The following RPA1 variants were observed in gnomAD, a reference collection of about 807,000 sequenced individuals.
RPA1 encodes replication protein A 70 kDa DNA-binding subunit.
A neutral mutation model predicts 83.0 loss-of-function variants in RPA1; 49 were observed. That is an observed-to-expected ratio of 0.59 (90% CI 0.47 to 0.75). The LOEUF (loss-of-function observed/expected upper bound fraction) is 0.75, where lower values mean the gene tolerates loss of function less well. Ranked by LOEUF, RPA1 falls within the 30% of genes least tolerant of loss-of-function variation. RPA1 has a pLI of 0.00. For missense variants in RPA1, 693 were observed against 776.1 expected, an observed-to-expected ratio of 0.89 and a Z score of 1.27; for synonymous variants, 279 against 281.8, an observed-to-expected ratio of 0.99 and a Z score of 0.10.
intron 5 of RPA1, among the ~76,000 whole-genome samples, chr17:1,862,326 C>T (rs948841382): frequency 4.0e-5 from 6 of 151,280 alleles, no homozygotes; most frequent in Admixed American, 1.3e-4. Flanking sequence ...TGAGCCACAG[C>T]GCCCAGCTTA....
chr17:1,881,047 A>T (rs150389512), intron 12 of RPA1, among the ~76,000 whole-genome samples: 242 of 152,250 alleles, frequency 1.6e-3, no homozygotes, highest in Middle Eastern at 6.8e-3. Flanking sequence ...GGGGGAACAC[A>T]TGCTTTCTTT....
At chr17:1,860,352 T>A (rs1320057141) in intron 5 of RPA1, among the ~76,000 whole-genome samples, 1 of 152,106 alleles carries the variant, frequency 6.6e-6, no homozygotes, top group Non-Finnish European at 1.5e-5. Context: ...GGTCTCACTT[T>A]GTTGCCCAGG....
intron 11 of RPA1, among the ~76,000 whole-genome samples, chr17:1,880,243 A>G (rs953419593): frequency 1.3e-5 from 2 of 152,196 alleles, no homozygotes; most frequent in East Asian, 1.9e-4. Context: ...GGCTTTCACC[A>G]TGTAGATGGG....
chr17:1,850,990 C>G (rs1912475444), intron 4 of RPA1, among the ~76,000 whole-genome samples: 1 of 152,090 alleles, frequency 6.6e-6, no homozygotes, highest in African/African-American at 2.4e-5. Context: ...CAAACATAGA[C>G]AGAATACACA....
intron 13 of RPA1, among the ~76,000 whole-genome samples, chr17:1,888,368 G>A (rs1914071642): frequency 6.6e-6 from 1 of 152,322 alleles, no homozygotes; most frequent in Non-Finnish European, 1.5e-5. Context: ...CAGTGTTCAA[G>A]CAAACAGGAA....
intron 1 of RPA1, among the ~76,000 whole-genome samples, chr17:1,837,739 G>A (rs1416713908): frequency 6.6e-6 from 1 of 152,140 alleles, no homozygotes; most frequent in East Asian, 1.9e-4. Flanking sequence ...AGAAGTGTCT[G>A]TTCACATCTT....
rs200742050 is a variant in RPA1 at position 1,853,150 on chromosome 17, G to C, written c.322G>C (p.Val108Leu). 6.8e-6 allele frequency: 11 copies of C among 1,614,070 alleles called. No homozygotes were observed. Among genetic ancestry groups the C allele is most frequent in the Middle Eastern group, 1.6e-4 (1 of 6,084 alleles). The stretch of plus-strand genomic sequence containing the variant: ...AGAAGTTTTGAAGTCAGCTGAAGCA[G>C]TTGGAGTGAAGATTGGCAATCCAGT... ...ELEVLKSAEA[V>L]GVKIGNPVPY... Residue 108 changes from valine to leucine, a missense_variant, in exon 5 of 17, where the codon GTT (valine) becomes CTT (leucine). Val to Leu is a conservative substitution (Grantham distance 32, BLOSUM62 1). Transcript: ENST00000254719.
intron 5 of RPA1, chr17:1,858,330 G>A (rs946889708): frequency 9.3e-6 from 15 of 1,608,472 alleles, no homozygotes; most frequent in Non-Finnish European, 1.3e-5. Flanking sequence ...CAATACCAGT[G>A]CCACGGTGGC....
chr17:1,878,144 T>A (rs908285877), intron 8 of RPA1, among the ~76,000 whole-genome samples: 26 of 151,900 alleles, frequency 1.7e-4, no homozygotes, highest in Non-Finnish European at 3.5e-4. Context: ...GGCAGGAGAA[T>A]CAATCGCCTG....
chr17:1,830,747 C>T (rs1911522177), intron 1 of RPA1: 3 of 147,578 alleles, frequency 2.0e-5, no homozygotes, highest in Admixed American at 1.4e-4. Context: ...CCTCTAGGCC[C>T]TCTTGACTCC....
Position 1,872,420 on chromosome 17 carries a change from C to CT in RPA1, c.362-10dup. On this transcript the variant is annotated splice_polypyrimidine_tract_variant and intron_variant, in intron 5 of 16. Transcript: ENST00000254719. ...TCCTTTGCACTAAAACGGGGTTTCC[C>CT]TTTTGATCTTCAGGACTCGGGCAGC... is the stretch of plus-strand genomic sequence containing the variant. 1 of 1,613,210 alleles carries CT rather than the reference C, an allele frequency of 6.2e-7. No individual in the cohort carries two copies. Among genetic ancestry groups the CT allele is most frequent in the South Asian group, 1.1e-5 (1 of 90,764 alleles).
chr17:1,886,157 C>T (rs182964877), intron 13 of RPA1, among the ~76,000 whole-genome samples: 2 of 151,242 alleles, frequency 1.3e-5, no homozygotes, highest in Non-Finnish European at 2.9e-5. Flanking sequence ...ATTGAGCTCT[C>T]GGGTGAACAG....
At chr17:1,842,898 TC>T (rs1912112835) in intron 2 of RPA1, 45 bp downstream of exon 2, 1 of 1,587,016 alleles carries the variant, frequency 6.3e-7, no homozygotes, top group Admixed American at 1.7e-5. Flanking sequence ...TTCTTTGGAG[TC>T]ATCGAATTAC....
chr17:1,872,424 T>G lies in RPA1; in HGVS notation c.362-10T>G. The G allele has an allele frequency of 6.2e-7, 1 of 1,613,576 alleles. No individual in the cohort carries two copies. The highest frequency in any genetic ancestry group is 8.5e-7 in the Non-Finnish European group (1 of 1,179,886). ...TTGCACTAAAACGGGGTTTCCCTTT[T>G]GATCTTCAGGACTCGGGCAGCCGCA... On this transcript the variant is annotated splice_polypyrimidine_tract_variant and intron_variant, in intron 5 of 16. Coordinates refer to ENST00000254719, the MANE Select transcript of RPA1 (RefSeq NM_002945.5).
At chr17:1,851,168 A>G (rs1333961113) in intron 4 of RPA1, among the ~76,000 whole-genome samples, 1 of 152,184 alleles carries the variant, frequency 6.6e-6, no homozygotes, top group South Asian at 2.1e-4. Context: ...TGTATTTTTG[A>G]AAGATAAAAA....
rs747365167 is a variant in RPA1, at chr17:1,879,689, G to A, written c.1082G>A (p.Trp361Ter). 1.2e-6 allele frequency: 2 copies of A among 1,613,688 alleles called. No homozygotes were observed. The highest frequency in any genetic ancestry group is 8.5e-7 in the Non-Finnish European group (1 of 1,179,674). The change falls in exon 11 of 17, where the codon TGG becomes TAG. Residue 361 changes from tryptophan to a stop codon, truncating the protein, a stop_gained. Coordinates refer to ENST00000254719, the MANE Select transcript of RPA1 (RefSeq NM_002945.5). LOFTEE classifies it high-confidence loss of function. ...GGGAAGGTGGTGACTGCTACACTGT[G>A]GGGGGAAGATGTAAGTGCTGGGATG... ...TSGKVVTATLWGEDADKFDGS... is the reference protein window; with the variant it reads ...TSGKVVTATL
At chr17:1,840,803 G>A (rs1040773538) in intron 1 of RPA1, among the ~76,000 whole-genome samples, 3 of 152,058 alleles carry the variant, frequency 2.0e-5, no homozygotes, top group East Asian at 1.9e-4. Flanking sequence ...GGTGGCTCAC[G>A]CCTGTAATCC....
chr17:1,889,861 G>T (rs1183078995), intron 14 of RPA1, among the ~76,000 whole-genome samples: 6 of 151,878 alleles, frequency 4.0e-5, no homozygotes, highest in African/African-American at 1.5e-4. Flanking sequence ...TTAGCCGGGC[G>T]TGGTGGCGGG....
intron 6 of RPA1, among the ~76,000 whole-genome samples, chr17:1,875,246 T>C (rs1913530541): frequency 6.6e-6 from 1 of 152,250 alleles, no homozygotes; most frequent in Non-Finnish European, 1.5e-5. Flanking sequence ...ACATCCTGTC[T>C]TTCTTCATGT....
Sources: gnomAD v4.1 joint callset for allele counts (sites outside exome capture counted in the v4.1 genomes callset) on GRCh38, gnomAD v4.1.1 for gene constraint, MANE v1.5 for transcripts, NCBI Gene and HGNC (gene_info 2026-07-23, HGNC 2026-07-21) for gene names.